Variants in SCN10A observed in about 807,000 individuals in gnomAD.
SCN10A encodes sodium channel protein type 10 subunit alpha.
A neutral mutation model predicts 170.7 loss-of-function variants in SCN10A; 162 were observed. That is an observed-to-expected ratio of 0.95 (90% CI 0.84 to 1.08). SCN10A has a LOEUF of 1.08. Among genes scored for constraint, SCN10A ranks in the 50% least tolerant of loss-of-function variants. SCN10A has a pLI of 0.00. For synonymous variants in SCN10A, 985 were observed against 904.6 expected, an observed-to-expected ratio of 1.09 and a Z score of -1.59; for missense variants, 2,527 against 2,436.9, an observed-to-expected ratio of 1.04 and a Z score of -0.78.
Position 38,698,109 on chromosome 3 carries a change from G to GT in SCN10A, c.5110dup (p.Thr1704AsnfsTer31). 6.2e-7 allele frequency: 1 copy of GT among 1,614,094 alleles called. No individual in the cohort carries two copies. Among genetic ancestry groups the GT allele is most frequent in the Non-Finnish European group, 8.5e-7 (1 of 1,179,956 alleles). Reference sequence around the variant, plus strand: ...GATGAGGAAGGAGATGATGATGTAGGTGGTGAAGAAGATGATGCCTACGGC... The same window carrying GT: ...GATGAGGAAGGAGATGATGATGTAGGTTGGTGAAGAAGATGATGCCTACGGC... On this transcript the variant is annotated frameshift_variant, in exon 28 of 28. Transcript: ENST00000449082. LOFTEE classifies it high-confidence loss of function.
At chr3:38,715,550 A>G (rs2063326100) in intron 21 of SCN10A, among the ~76,000 whole-genome samples, 1 of 152,170 alleles carries the variant, frequency 6.6e-6, no homozygotes, top group South Asian at 2.1e-4. Flanking sequence ...TTCCCTGAGC[A>G]TACTTGTGTC....
intron 21 of SCN10A, among the ~76,000 whole-genome samples, chr3:38,716,299 T>C (rs1245448531): frequency 6.6e-6 from 1 of 152,086 alleles, no homozygotes; most frequent in Non-Finnish European, 1.5e-5. Context: ...TTCCCATGTG[T>C]TGTGGGAGGG....
intron 4 of SCN10A, among the ~76,000 whole-genome samples, chr3:38,783,533 A>G (rs989502513): frequency 1.3e-5 from 2 of 152,056 alleles, no homozygotes; most frequent in African/African-American, 4.8e-5. Flanking sequence ...GTGCAGCACT[A>G]AAGTTTATTA....
At chr3:38,794,112 C>G (rs1418129355) in intron 1 of SCN10A, 70 bp from the exon 2 acceptor site, 7 of 1,082,766 alleles carry the variant, frequency 6.5e-6, no homozygotes, top group African/African-American at 1.6e-5. Context: ...TCATCTGTCC[C>G]ATCTTGATTG....
chr3:38,739,484 T>A, intron 15 of SCN10A, 31 bp downstream of exon 15: 2 of 1,594,002 alleles, frequency 1.3e-6, no homozygotes, highest in Non-Finnish European at 1.7e-6. Context: ...TGGGTGGGAG[T>A]TTCCCCAAGC....
Position 38,726,617 on chromosome 3 carries a change from G to A in SCN10A, c.3076C>T (p.Pro1026Ser), listed in dbSNP as rs1450322307. 6.3e-7 allele frequency: 1 copy of A among 1,586,054 alleles called. No individual in the cohort carries two copies. The highest frequency in any genetic ancestry group is 8.6e-7 in the Non-Finnish European group (1 of 1,160,626). The change falls in exon 17 of 28, where the codon CCC (proline) becomes TCC (serine). Residue 1026 changes from proline to serine, a missense_variant. Pro to Ser is a moderately conservative substitution (Grantham distance 74). Coordinates refer to ENST00000449082, the MANE Select transcript of SCN10A (RefSeq NM_006514.4). ...GGGATAACTCTTACCTGTCCTTTGG[G>A]GATCACTTCCTGCTGGAAGCTCTGA... The part of the protein sequence containing the change: ...DAQSFQQEVI[P>S]KGQQEQLQQV...
intron 12 of SCN10A, among the ~76,000 whole-genome samples, chr3:38,750,706 C>T (rs563117996): frequency 6.6e-6 from 1 of 152,318 alleles, no homozygotes; most frequent in Admixed American, 6.5e-5. Flanking sequence ...GTAACTGGCA[C>T]AGTTGGGACT....
intron 4 of SCN10A, among the ~76,000 whole-genome samples, chr3:38,779,309 T>G (rs1017691461): frequency 2.6e-5 from 4 of 152,074 alleles, no homozygotes; most frequent in Non-Finnish European, 4.4e-5. Context: ...GGGATTTTTT[T>G]GGGGATGTCA....
chr3:38,739,847 A>G (rs1394505891), intron 14 of SCN10A, among the ~76,000 whole-genome samples, 159 bp from the exon 15 acceptor site: 1 of 152,206 alleles, frequency 6.6e-6, no homozygotes, highest in Non-Finnish European at 1.5e-5. Flanking sequence ...GGCCAGGGTA[A>G]CAGTCAACGT....
At chr3:38,719,761 C>T (rs543300903) in intron 20 of SCN10A, among the ~76,000 whole-genome samples, 1 of 152,298 alleles carries the variant, frequency 6.6e-6, no homozygotes, top group South Asian at 2.1e-4. Context: ...GGCAATGTGA[C>T]TCAGAGGTTT....
chr3:38,794,529 G>A (rs1374999166), intron 1 of SCN10A, among the ~76,000 whole-genome samples: 1 of 152,190 alleles, frequency 6.6e-6, no homozygotes, highest in African/African-American at 2.4e-5. Context: ...AGTTACTGGA[G>A]AACTCCAGAT....
Position 38,705,734 on chromosome 3 carries a change from T to C in SCN10A, c.4386+1545A>G, listed in dbSNP as rs187998850. Among the ~76,000 whole-genome samples the C allele has an allele frequency of 3.3e-4, 50 of 152,236 alleles. No individual in the cohort carries two copies. In the East Asian group the frequency reaches 6.6e-3, roughly 20 times the overall value. On this transcript the variant is annotated intron_variant, in intron 26 of 27. Coordinates refer to ENST00000449082, the MANE Select transcript of SCN10A (RefSeq NM_006514.4). The stretch of plus-strand genomic sequence containing the variant: ...GTATGTGGGGGAAGGTGCCAAAAAC[T>C]TTCATGTTTTTGCCAAGGGTTGTCC...
At chr3:38,768,148 C>T (rs1222780956) in intron 5 of SCN10A, among the ~76,000 whole-genome samples, 1 of 151,536 alleles carries the variant, frequency 6.6e-6, no homozygotes, top group East Asian at 1.9e-4. Flanking sequence ...TTAGGTGAGT[C>T]TCTTGAAGAC....
At chr3:38,775,903 A>G (rs982730812) in intron 4 of SCN10A, among the ~76,000 whole-genome samples, 1 of 152,112 alleles carries the variant, frequency 6.6e-6, no homozygotes, top group East Asian at 1.9e-4. Flanking sequence ...TATTTTTGAT[A>G]TGAGGATGAA....
In SCN10A at chr3:38,712,266, G is replaced by T. The variant is rs1204063286; in HGVS notation, c.3984C>A (p.Asn1328Lys). Residue 1328 changes from asparagine (N) to lysine (K), a missense_variant, in exon 23 of 28, where the codon AAC (asparagine) becomes AAA (lysine). Transcript: ENST00000449082. Reference sequence around the variant, plus strand: ...AGTTTTGAATCTTGCAGTCAGACTTGTTATTCACAATCGACAAAGGTACAA... The same window carrying T: ...AGTTTTGAATCTTGCAGTCAGACTTTTTATTCACAATCGACAAAGGTACAA... Reference protein sequence around the residue: ...FSLVPLSIVNNKSDCKIQNST... With the variant: ...FSLVPLSIVNKKSDCKIQNST... 21 of 1,614,188 alleles carry T rather than the reference G, an allele frequency of 1.3e-5. No homozygotes were observed. The East Asian group carries it at 4.7e-4, about 36-fold the overall frequency.
In SCN10A at chr3:38,739,610, ACTT is replaced by A. The variant is rs767960115; in HGVS notation, c.2182_2184del (p.Lys728del). The A allele has an allele frequency of 6.2e-7, 1 of 1,614,036 alleles. No homozygotes were observed. The highest frequency in any genetic ancestry group is 1.1e-5 in the South Asian group (1 of 91,082). ...ACGATGATGCAGTCAAAGATATTCC[ACTT>A]CTTCTGGAAATAATAGTATGGGTCG... On this transcript the variant is annotated inframe_deletion, in exon 15 of 28. Transcript: ENST00000449082.
At chr3:38,701,769 G>T in intron 27 of SCN10A, 70 bp downstream of exon 27, 1 of 1,459,498 alleles carries the variant, frequency 6.9e-7, no homozygotes, top group Non-Finnish European at 9.2e-7. Flanking sequence ...TATTTCCTTG[G>T]TTTTAGAAGA....
At chr3:38,814,392 TG>T (rs544868233) in intron 1 of SCN10A, among the ~76,000 whole-genome samples, 222 of 152,220 alleles carry the variant, frequency 1.5e-3, no homozygotes, top group African/African-American at 5.1e-3. Flanking sequence ...AGGGGAATCT[TG>T]GGGCTGACAC....
intron 15 of SCN10A, among the ~76,000 whole-genome samples, chr3:38,731,446 T>G (rs1445615531): frequency 6.6e-6 from 1 of 152,160 alleles, no homozygotes; most frequent in East Asian, 1.9e-4. Context: ...TAACTAAATT[T>G]TTAGGCTTAC....
Sources: gnomAD v4.1 joint callset for allele counts (sites outside exome capture counted in the v4.1 genomes callset) on GRCh38, gnomAD v4.1.1 for gene constraint, MANE v1.5 for transcripts, NCBI Gene and HGNC (gene_info 2026-07-23, HGNC 2026-07-21) for gene names.